The following SLC12A4 variants were observed in gnomAD, a reference collection of about 807,000 sequenced individuals.
SLC12A4 encodes the protein solute carrier family 12 member 4, also known as electroneutral potassium-chloride cotransporter 1.
In SLC12A4, 84 loss-of-function variants were observed where a neutral mutation model predicts 119.2. The ratio of observed to expected loss-of-function variants is 0.70; its 90% confidence interval spans 0.59 to 0.85. The LOEUF is 0.85. Ranked by LOEUF, SLC12A4 falls within the 40% of genes least tolerant of loss-of-function variation. The probability of loss-of-function intolerance (pLI) is 0.00; values close to 1 mark genes in which losing one functional copy is unlikely to be tolerated. For missense variants in SLC12A4, 1,298 were observed against 1,476.3 expected, an observed-to-expected ratio of 0.88 and a Z score of 1.98; for synonymous variants, 599 against 604.6, an observed-to-expected ratio of 0.99 and a Z score of 0.14.
intron 5 of SLC12A4, among the ~76,000 whole-genome samples, chr16:67,955,382 T>C (rs1416269376): frequency 6.6e-6 from 1 of 152,204 alleles, no homozygotes; most frequent in Non-Finnish European, 1.5e-5. Context: ...GCTGAGACAA[T>C]GTCTCTGGTG....
chr16:67,950,896 G>A lies in SLC12A4; in HGVS notation c.1396+66C>T. 4 of 1,543,618 alleles carry A rather than the reference G, an allele frequency of 2.6e-6. No homozygotes were observed. The Admixed American group carries it at 5.1e-5, about 20-fold the overall frequency. On this transcript the variant is annotated intron_variant, in intron 10 of 23. Coordinates refer to ENST00000316341, the MANE Select transcript of SLC12A4 (RefSeq NM_005072.5). This position sits in a 1 kb window ranked among gnomAD's most constrained non-coding sequence, Gnocchi z 4.3. The stretch of plus-strand genomic sequence containing the variant: ...GTGGGGTGTCTGTGCATGTGACCTG[G>A]CAACGTACACAGGCCAAGCGCTTCC...
chr16:67,964,071 G>A (rs1439722341), intron 1 of SLC12A4: 5 of 1,540,488 alleles, frequency 3.2e-6, no homozygotes, highest in African/African-American at 1.4e-5. Flanking sequence ...GCACTGCGCG[G>A]GGGGCGTCCT....
In SLC12A4 at chr16:67,945,415, GGTCCCAGGTCTCAGTCATGTACTT is replaced by G; in HGVS notation, c.2962_2985del (p.Lys988_Asp995del). Reference sequence around the variant, plus strand: ...CGGAAATTGTCAGGGGCATGGCTGGGGTCCCAGGTCTCAGTCATGTACTTGTCCCTGGTCCACGTCATCTGGATC... The same window carrying G: ...CGGAAATTGTCAGGGGCATGGCTGGGGTCCCTGGTCCACGTCATCTGGATC... On this transcript the variant is annotated inframe_deletion, in exon 22 of 24. Transcript: ENST00000316341. The G allele has an allele frequency of 1.2e-6, 2 of 1,613,970 alleles. No individual in the cohort carries two copies. Among genetic ancestry groups the G allele is most frequent in the Non-Finnish European group, 1.7e-6 (2 of 1,179,954 alleles).
At position 67,950,357 on chromosome 16, in the gene SLC12A4, G is replaced by C. The variant is rs1038454564; in HGVS notation, c.1591C>G (p.Gln531Glu). ...QSLTGAPRLL[Q>E]AIAKDNIIPF... Reference sequence around the variant, plus strand: ...ATGATGTTGTCCTTGGCAATGGCCTGCAATAGGCGTGGTGCCCCTGTGAGG... The same window carrying C: ...ATGATGTTGTCCTTGGCAATGGCCTCCAATAGGCGTGGTGCCCCTGTGAGG... The change falls in exon 12 of 24, where the codon CAG becomes GAG. Residue 531 changes from glutamine to glutamate, a missense_variant. Gln to Glu is a conservative substitution (Grantham distance 29). Transcript: ENST00000316341. This position sits in a 1 kb window ranked among gnomAD's most constrained non-coding sequence, Gnocchi z 4.3. The C allele has an allele frequency of 6.2e-7, 1 of 1,614,066 alleles. No homozygotes were observed. Among genetic ancestry groups the C allele is most frequent in the Non-Finnish European group, 8.5e-7 (1 of 1,180,028 alleles).
chr16:67,946,690 C>T, intron 17 of SLC12A4, 57 bp from the exon 18 acceptor site: 1 of 1,556,176 alleles, frequency 6.4e-7, no homozygotes. Context: ...CCTCTGGGCT[C>T]CCTCCCAAGG....
At chr16:67,964,110 T>C (rs1598232891) in intron 1 of SLC12A4, 3 of 1,516,514 alleles carry the variant, frequency 2.0e-6, no homozygotes, top group Non-Finnish European at 2.7e-6. Context: ...TGCCGGGAGG[T>C]GGGGCAAGCC....
rs1188967355 is a variant in SLC12A4 at position 67,966,801 on chromosome 16, A to G, written c.115+1638T>C. 3.2e-6 allele frequency: 5 copies of G among 1,551,160 alleles called. No homozygotes were observed. In the Admixed American group the frequency reaches 7.8e-5, roughly 24 times the overall value. On this transcript the variant is annotated intron_variant, in intron 1 of 23. Coordinates refer to ENST00000316341, the MANE Select transcript of SLC12A4 (RefSeq NM_005072.5). ...CTGTAGACAGCCAAGGTCTGGCTGGAAAGGAGTAAGAGGAGGAGAAAGAGG... is the reference window on the plus strand; with the variant it reads ...CTGTAGACAGCCAAGGTCTGGCTGGGAAGGAGTAAGAGGAGGAGAAAGAGG...
rs766959486 is a variant in SLC12A4 at position 67,952,268 on chromosome 16, G to C, written c.833C>G (p.Ser278Trp). 11 of 1,614,168 alleles carry C rather than the reference G, an allele frequency of 6.8e-6. No homozygotes were observed. Among genetic ancestry groups the C allele is most frequent in the Non-Finnish European group, 9.3e-6 (11 of 1,180,034 alleles). Residue 278 changes from serine to tryptophan, a missense_variant, in exon 7 of 24, where the codon TCG (serine) becomes TGG (tryptophan). Coordinates refer to ENST00000316341, the MANE Select transcript of SLC12A4 (RefSeq NM_005072.5). The stretch of plus-strand genomic sequence containing the variant: ...GATGATCACACAGGCCAGGAAGAGC[G>C]AGGCAAATTTGTTCACATACTTGAC... Reference protein sequence around the residue: ...VGVKYVNKFASLFLACVIISI... With the variant: ...VGVKYVNKFAWLFLACVIISI...
intron 1 of SLC12A4, among the ~76,000 whole-genome samples, chr16:67,967,737 G>A (rs2030926544): frequency 6.6e-6 from 1 of 152,148 alleles, no homozygotes; most frequent in Non-Finnish European, 1.5e-5. Flanking sequence ...CTGCCCCTGG[G>A]CAAGTTATAT....
chr16:67,965,770 C>CGG (rs2030841318), intron 1 of SLC12A4, among the ~76,000 whole-genome samples: 1 of 152,124 alleles, frequency 6.6e-6, no homozygotes, highest in Admixed American at 6.5e-5. Context: ...TAGGATGGCT[C>CGG]GGGGCCCTTC....
At position 67,944,901 on chromosome 16, in the gene SLC12A4, C is replaced by G; in HGVS notation, c.3197G>C (p.Gly1066Ala). 6.2e-7 allele frequency: 1 copy of G among 1,613,482 alleles called. No individual in the cohort carries two copies. The highest frequency in any genetic ancestry group is 1.1e-5 in the South Asian group (1 of 91,082). ...GCGCACCAACAGCACCCGCTCAAGG[C>G]CCTCGGTCAGCACCTCGAGGAACTC... ...YMEFLEVLTEGLERVLLVRGG... is the reference protein window; with the variant it reads ...YMEFLEVLTEALERVLLVRGG... The change falls in exon 24 of 24, where the codon GGC (glycine) becomes GCC (alanine). Residue 1066 changes from glycine (G) to alanine (A), a missense_variant. Transcript: ENST00000316341. The surrounding 1 kb of genome is among the most constrained non-coding windows in gnomAD (Gnocchi z 6.6).
Position 67,944,844 on chromosome 16 carries a change from G to T in SLC12A4, c.3254C>A (p.Ser1085Tyr). ...GGCCACAAGATGACACTGGGCTCAG[G>T]AGTAGATGGTGATGACTTCACGGCC... ...GGGREVITIY[S>Y] The change falls in exon 24 of 24, where the codon TCC becomes TAC. Residue 1085 changes from serine (S) to tyrosine (Y), a missense_variant. By Grantham distance (144) the Ser-to-Tyr change is moderately radical. Transcript: ENST00000316341. The surrounding 1 kb of genome is among the most constrained non-coding windows in gnomAD (Gnocchi z 6.6). 1 of 1,613,034 alleles carries T rather than the reference G, an allele frequency of 6.2e-7. No individual in the cohort carries two copies. Among genetic ancestry groups the T allele is most frequent in the African/African-American group, 1.3e-5 (1 of 75,044 alleles).
chr16:67,966,679 G>C (rs1449421379), intron 1 of SLC12A4: 71 of 1,534,268 alleles, frequency 4.6e-5, no homozygotes, highest in Non-Finnish European at 6.2e-5. Flanking sequence ...AGGGGCAGGA[G>C]ATAGATCTGA....
Position 67,968,580 on chromosome 16 carries a change from G to GCCGT in SLC12A4, c.-31_-28dup. ...GTGCGGGCTCGGCCCCGCCGCACCCGCCGTCCCAGCCGCCCGCCGCTGTCC... is the reference window on the plus strand; with the variant it reads ...GTGCGGGCTCGGCCCCGCCGCACCCGCCGTCCGTCCCAGCCGCCCGCCGCTGTCC... On this transcript the variant is annotated 5_prime_UTR_variant, in exon 1 of 24. Coordinates refer to ENST00000316341, the MANE Select transcript of SLC12A4 (RefSeq NM_005072.5). 1 of 1,475,622 alleles carries GCCGT rather than the reference G, an allele frequency of 6.8e-7. No homozygotes were observed. Among genetic ancestry groups the GCCGT allele is most frequent in the Non-Finnish European group, 9.0e-7 (1 of 1,117,072 alleles). The allele number at this position is 1,475,622 out of a possible 1,614,324, so 91.4% of individuals were successfully genotyped here.
In SLC12A4 at chr16:67,950,237, G is replaced by A; in HGVS notation, c.1629+82C>T. ...GGGGCCAATAAGGGCAGGACGTGCTGCATCTGTGTTCCCTATCTCTCTCCC... is the reference window on the plus strand; with the variant it reads ...GGGGCCAATAAGGGCAGGACGTGCTACATCTGTGTTCCCTATCTCTCTCCC... On this transcript the variant is annotated intron_variant, in intron 12 of 23. Transcript: ENST00000316341. This position sits in a 1 kb window ranked among gnomAD's most constrained non-coding sequence, Gnocchi z 4.3. 1 of 1,505,528 alleles carries A rather than the reference G, an allele frequency of 6.6e-7. No individual in the cohort carries two copies. The highest frequency in any genetic ancestry group is 9.0e-7 in the Non-Finnish European group (1 of 1,108,896). 93.3% of individuals were successfully genotyped at this position (1,505,528 alleles called of 1,614,324 possible).
intron 14 of SLC12A4, 86 bp from the exon 15 acceptor site, chr16:67,947,874 GT>G: frequency 6.6e-7 from 1 of 1,522,892 alleles, no homozygotes. Flanking sequence ...GCCCTGTCAG[GT>G]CCCGGGTGGG....
chr16:67,959,026 C>T (rs1251298510), intron 3 of SLC12A4, among the ~76,000 whole-genome samples: 1 of 152,182 alleles, frequency 6.6e-6, no homozygotes, highest in African/African-American at 2.4e-5. Flanking sequence ...GCAGGCCCTG[C>T]AGGTACCCAA....
intron 1 of SLC12A4, chr16:67,966,615 T>G (rs2030878531): frequency 9.0e-7 from 1 of 1,112,352 alleles, no homozygotes; most frequent in African/African-American, 1.6e-5. Flanking sequence ...GTGGGCTGGA[T>G]GAGCAAGCCC....
At chr16:67,968,304 C>A (rs746031707) in intron 1 of SLC12A4, 135 bp downstream of exon 1, 56 of 735,024 alleles carry the variant, frequency 7.6e-5, no homozygotes, top group Non-Finnish European at 1.1e-4. Flanking sequence ...GGCAGCGGCG[C>A]GGTCCAAAAA....
Sources: allele counts gnomAD v4.1 joint callset (sites outside exome capture counted in the v4.1 genomes callset), GRCh38; gene constraint gnomAD v4.1.1; non-coding constraint Gnocchi (gnomAD v3.1); transcripts MANE v1.5; gene names NCBI Gene and HGNC (gene_info 2026-07-23, HGNC 2026-07-21).